SLC25A26: variants seen among roughly 807,000 people sequenced by gnomAD.
The protein encoded by SLC25A26 is mitochondrial S-adenosylmethionine carrier protein.
A neutral mutation model predicts 37.8 loss-of-function variants in SLC25A26; 36 were observed. The observed-to-expected ratio is 0.95, with a 90% CI of 0.73 to 1.26. The LOEUF (loss-of-function observed/expected upper bound fraction) is 1.26, where lower values mean the gene tolerates loss of function less well. Among genes scored for constraint, SLC25A26 ranks in the 50% most tolerant of loss-of-function variants. The pLI is 0.00. For synonymous variants in SLC25A26, 129 were observed against 122.5 expected, an observed-to-expected ratio of 1.05 and a Z score of -0.35; for missense variants, 390 against 331.1, an observed-to-expected ratio of 1.18 and a Z score of -1.38.
At chr3:66,295,338 C>G (rs1218321744) in intron 5 of SLC25A26, among the ~76,000 whole-genome samples, 2 of 152,044 alleles carry the variant, frequency 1.3e-5, no homozygotes, top group Non-Finnish European at 2.9e-5. Flanking sequence ...ATTCTCCTGC[C>G]TCAGCCTCCT....
intron 5 of SLC25A26, among the ~76,000 whole-genome samples, chr3:66,342,273 A>C (rs1351388355): frequency 6.6e-6 from 1 of 152,042 alleles, no homozygotes; most frequent in African/African-American, 2.4e-5. Flanking sequence ...ATTGCTAGAG[A>C]GTTCTGGGTT....
chr3:66,218,174 T>C (rs2071389586), upstream of SLC25A26, among the ~76,000 whole-genome samples: 2 of 152,296 alleles, frequency 1.3e-5, no homozygotes, highest in Middle Eastern at 3.4e-3. Flanking sequence ...CAGTAATTCA[T>C]GTCCGTTTAT....
At chr3:66,186,747 C>T (rs1307407815) in intron 1 of SLC25A26, among the ~76,000 whole-genome samples, 2 of 151,860 alleles carry the variant, frequency 1.3e-5, no homozygotes, top group African/African-American at 4.8e-5. Context: ...TCACTCTTAC[C>T]CTGACCCTGA....
At chr3:66,143,523 A>C (rs1212923318) in intron 1 of SLC25A26, among the ~76,000 whole-genome samples, 3 of 152,202 alleles carry the variant, frequency 2.0e-5, no homozygotes, top group Admixed American at 2.0e-4. Flanking sequence ...AGAGAAAGGC[A>C]ATAAACAATA....
At chr3:66,285,406 C>T (rs1308155435) in intron 5 of SLC25A26, among the ~76,000 whole-genome samples, 1 of 150,774 alleles carries the variant, frequency 6.6e-6, no homozygotes, top group Admixed American at 6.7e-5. Context: ...AATATAATGT[C>T]ATCTTACTTT....
chr3:66,273,219 G>A (rs954558285), intron 5 of SLC25A26, among the ~76,000 whole-genome samples: 37 of 152,078 alleles, frequency 2.4e-4, no homozygotes, highest in African/African-American at 5.5e-4. Context: ...GGATTTTTGC[G>A]TCAATGTGCA....
At chr3:66,243,377 A>C in intron 3 of SLC25A26, 65 bp downstream of exon 3, 2 of 751,712 alleles carry the variant, frequency 2.7e-6, no homozygotes, top group East Asian at 2.6e-5. Flanking sequence ...TTTTCAGTAC[A>C]TATTTATTTC....
chr3:66,333,848 A>AAACG (rs2076033303), intron 5 of SLC25A26, among the ~76,000 whole-genome samples: 1 of 151,988 alleles, frequency 6.6e-6, no homozygotes, highest in South Asian at 2.1e-4. Context: ...AAAAACAAAC[A>AAACG]AAAAACACAC....
At chr3:66,324,868 C>T (rs72902955) in intron 5 of SLC25A26, among the ~76,000 whole-genome samples, 1,619 of 150,492 alleles carry the variant, frequency 0.011, 27 homozygotes, top group African/African-American at 0.036. Context: ...TTTTTCTTTA[C>T]TCTCTTACAT....
chr3:66,238,836 G>T (rs545512575), intron 2 of SLC25A26, among the ~76,000 whole-genome samples: 3 of 152,082 alleles, frequency 2.0e-5, no homozygotes, highest in Non-Finnish European at 4.4e-5. Context: ...TTGGTGTCTC[G>T]GGTGGCAGAG....
chr3:66,344,569 T>A (rs1301227592), intron 5 of SLC25A26, among the ~76,000 whole-genome samples: 1 of 152,260 alleles, frequency 6.6e-6, no homozygotes, highest in Non-Finnish European at 1.5e-5. Context: ...GTGATAATGA[T>A]AATGTTCAAA....
chr3:66,352,494 A>G (rs2076481228), intron 6 of SLC25A26, among the ~76,000 whole-genome samples: 3 of 145,824 alleles, frequency 2.1e-5, no homozygotes, highest in South Asian at 4.3e-4. Context: ...TCTCCCTGCT[A>G]GAAATATTCT....
intron 6 of SLC25A26, among the ~76,000 whole-genome samples, chr3:66,359,045 C>T (rs1559736376): frequency 6.6e-6 from 1 of 152,268 alleles, no homozygotes; most frequent in Non-Finnish European, 1.5e-5. Flanking sequence ...TATTAGTATC[C>T]ATGTCAAATA....
intron 5 of SLC25A26, among the ~76,000 whole-genome samples, chr3:66,282,395 C>T (rs2074377378): frequency 6.6e-6 from 1 of 152,148 alleles, no homozygotes. Flanking sequence ...AGTCGCCCAC[C>T]TTGGCCTCCC....
chr3:66,287,525 A>C (rs2074556984), intron 5 of SLC25A26, among the ~76,000 whole-genome samples: 1 of 152,156 alleles, frequency 6.6e-6, no homozygotes, highest in African/African-American at 2.4e-5. Context: ...TTAGAAGCTC[A>C]GTTCTTCCTC....
At chr3:66,337,894 A>G (rs1027912309) in intron 5 of SLC25A26, among the ~76,000 whole-genome samples, 7 of 152,114 alleles carry the variant, frequency 4.6e-5, no homozygotes, top group African/African-American at 1.7e-4. Context: ...TATATTTTTT[A>G]CAGTACATTT....
chr3:66,135,583 C>A (rs1027670762), intron 1 of SLC25A26, among the ~76,000 whole-genome samples: 2 of 152,094 alleles, frequency 1.3e-5, no homozygotes, highest in Non-Finnish European at 2.9e-5. Flanking sequence ...GACTGGGCAA[C>A]AAAGTGAGAC....
intron 1 of SLC25A26, among the ~76,000 whole-genome samples, chr3:66,190,906 C>G (rs947062653): frequency 4.5e-4 from 69 of 152,288 alleles, no homozygotes; most frequent in Middle Eastern, 3.4e-3. Context: ...TTCTGATTCA[C>G]AGGAAGAAAT....
At chr3:66,359,320 C>G (rs1435043284) in intron 6 of SLC25A26, among the ~76,000 whole-genome samples, 1 of 152,200 alleles carries the variant, frequency 6.6e-6, no homozygotes, top group African/African-American at 2.4e-5. Flanking sequence ...AAATATTAGA[C>G]CTAGGGACTG....
Sources: allele counts gnomAD v4.1 joint callset (sites outside exome capture counted in the v4.1 genomes callset), GRCh38; gene constraint gnomAD v4.1.1; transcripts MANE v1.5; gene names NCBI Gene and HGNC (gene_info 2026-07-23, HGNC 2026-07-21).